PCDHGB3: variants seen among roughly 807,000 people sequenced by gnomAD.
PCDHGB3 encodes protocadherin gamma-B3.
Under a neutral mutation model 59.2 loss-of-function variants are expected in PCDHGB3, and 40 were observed. The ratio of observed to expected loss-of-function variants is 0.68; its 90% CI spans 0.52 to 0.88. The LOEUF (loss-of-function observed/expected upper bound fraction) is 0.88. PCDHGB3 is among the 40% of genes least tolerant of loss of function. PCDHGB3 has a pLI of 0.00. For synonymous variants in PCDHGB3, 581 were observed against 503.6 expected, an observed-to-expected ratio of 1.15 and a Z score of -2.06; for missense variants, 1,309 against 1,187.9, an observed-to-expected ratio of 1.10 and a Z score of -1.50.
rs568927137 is a variant in PCDHGB3, at chr5:141,410,186, CT to C, written c.2415+37378del. On this transcript the variant is annotated intron_variant, in intron 1 of 3. Coordinates refer to ENST00000576222, the MANE Select transcript of PCDHGB3 (RefSeq NM_018924.5). ...ACTCTCTGCCACCGCCACGCTTCAT[CT>C]GGTCTTCGCAGACAACTTGCAAGAG... 1.6e-5 allele frequency: 26 copies of C among 1,613,940 alleles called. 1 individual carries two copies. In the South Asian group the frequency reaches 2.6e-4, roughly 16 times the overall value.
intron 1 of PCDHGB3, chr5:141,384,132 C>T (rs1290502346): frequency 6.2e-7 from 1 of 1,611,710 alleles, no homozygotes; most frequent in Non-Finnish European, 8.5e-7. Context: ...AAAACTTGGA[C>T]CGGGAAACAC....
chr5:141,504,645 T>C (rs1481469819), intron 2 of PCDHGB3, among the ~76,000 whole-genome samples: 2 of 112,538 alleles, frequency 1.8e-5, no homozygotes, highest in Non-Finnish European at 3.4e-5. Context: ...GGTTTGATGA[T>C]AGAGTGTTTG....
intron 1 of PCDHGB3, among the ~76,000 whole-genome samples, chr5:141,452,388 A>G (rs892688242): frequency 3.9e-5 from 6 of 152,210 alleles, no homozygotes; most frequent in Non-Finnish European, 5.9e-5. Flanking sequence ...TAGTATTTAG[A>G]AACTAAGATC....
intron 1 of PCDHGB3, among the ~76,000 whole-genome samples, chr5:141,437,923 A>G (rs893873818): frequency 2.0e-5 from 3 of 152,110 alleles, no homozygotes; most frequent in African/African-American, 7.2e-5. Context: ...TTTTTAGTAG[A>G]GATGGGGTTT....
At chr5:141,402,096 A>G (rs1343417374) in intron 1 of PCDHGB3, among the ~76,000 whole-genome samples, 2 of 152,226 alleles carry the variant, frequency 1.3e-5, no homozygotes, top group Non-Finnish European at 2.9e-5. Context: ...GAAAAGTTTA[A>G]GCAATTACAA....
intron 1 of PCDHGB3, among the ~76,000 whole-genome samples, chr5:141,483,459 G>A (rs1214951485): frequency 6.6e-6 from 1 of 152,186 alleles, no homozygotes; most frequent in Non-Finnish European, 1.5e-5. Flanking sequence ...AGGACTTGTT[G>A]ATTGACATGA....
In PCDHGB3 at chr5:141,423,113, C is replaced by G. The variant is rs2096710947; in HGVS notation, c.2415+50304C>G. On this transcript the variant is annotated intron_variant, in intron 1 of 3. Coordinates refer to ENST00000576222, the MANE Select transcript of PCDHGB3 (RefSeq NM_018924.5). The stretch of plus-strand genomic sequence containing the variant: ...GGGGAGCACACGGGCGAGGTGCGTA[C>G]AGCGCGGGCACTGCTGGACAGAGAC... The G allele has an allele frequency of 1.9e-6, 3 of 1,613,702 alleles. No homozygotes were observed. The highest frequency in any genetic ancestry group is 2.5e-6 in the Non-Finnish European group (3 of 1,179,992).
intron 3 of PCDHGB3, among the ~76,000 whole-genome samples, chr5:141,510,329 A>G (rs1433056614): frequency 6.7e-6 from 1 of 150,230 alleles, no homozygotes; most frequent in South Asian, 2.1e-4. Context: ...AGCACTCTTC[A>G]CCCCCACCCC....
At chr5:141,403,066 G>A in intron 1 of PCDHGB3, 1 of 1,614,076 alleles carries the variant, frequency 6.2e-7, no homozygotes, top group East Asian at 2.2e-5. Flanking sequence ...TGCCTGAAGA[G>A]ACAGAAAAGG....
Position 141,490,693 on chromosome 5 carries a change from G to C in PCDHGB3, c.2416-4114G>C. 2 of 1,614,170 alleles carry C rather than the reference G, an allele frequency of 1.2e-6. No homozygotes were observed. Among genetic ancestry groups the C allele is most frequent in the Non-Finnish European group, 1.7e-6 (2 of 1,180,018 alleles). ...GGCTGCCTCAGATCCAGACACTGGG[G>C]ATAATGCCCGCCTCACCTACTCCAT... is the stretch of plus-strand genomic sequence containing the variant. On this transcript the variant is annotated intron_variant, in intron 1 of 3. Coordinates refer to ENST00000576222, the MANE Select transcript of PCDHGB3 (RefSeq NM_018924.5). This position sits in a 1 kb window ranked among gnomAD's most constrained non-coding sequence, Gnocchi z 5.4.
chr5:141,463,266 T>G (rs933899476), intron 1 of PCDHGB3, among the ~76,000 whole-genome samples: 16 of 151,982 alleles, frequency 1.1e-4, no homozygotes, highest in African/African-American at 3.6e-4. Context: ...CTCTATCCCA[T>G]AAATTCTGGC....
chr5:141,501,335 C>CA (rs2099808433), intron 2 of PCDHGB3, among the ~76,000 whole-genome samples: 1 of 135,634 alleles, frequency 7.4e-6, no homozygotes, highest in Non-Finnish European at 1.6e-5. Context: ...ACACACACAC[C>CA]CCAAACTCAA....
At chr5:141,394,019 T>C in intron 1 of PCDHGB3, 1 of 1,613,522 alleles carries the variant, frequency 6.2e-7, no homozygotes, top group Non-Finnish European at 8.5e-7. Flanking sequence ...GTAATTATTA[T>C]AGATTAGTGA....
chr5:141,401,060 T>A (rs1395651829), intron 1 of PCDHGB3, among the ~76,000 whole-genome samples: 3 of 152,216 alleles, frequency 2.0e-5, no homozygotes, highest in Non-Finnish European at 4.4e-5. Flanking sequence ...ATACTATATG[T>A]TGGCTGGGTG....
chr5:141,387,926 G>A (rs888934094), intron 1 of PCDHGB3: 1 of 1,236,078 alleles, frequency 8.1e-7, no homozygotes, highest in South Asian at 1.5e-5. Context: ...CTGAGAGGCT[G>A]CCAGTGCTCT....
In PCDHGB3 at chr5:141,422,057, A is replaced by T. The variant is rs1356083259; in HGVS notation, c.2415+49248A>T. 3.1e-6 allele frequency: 5 copies of T among 1,611,974 alleles called. No individual in the cohort carries two copies. The South Asian group carries it at 5.5e-5, about 18-fold the overall frequency. On this transcript the variant is annotated intron_variant, in intron 1 of 3. Transcript: ENST00000576222. The stretch of plus-strand genomic sequence containing the variant: ...GATCCAGACGAGGGAATCAACGGGG[A>T]AGTAATGTATTCATTTCGGAACATG...
Position 141,432,254 on chromosome 5 carries a change from G to A in PCDHGB3, c.2415+59445G>A, listed in dbSNP as rs935437220. 6.2e-7 allele frequency: 1 copy of A among 1,614,242 alleles called. No homozygotes were observed. The highest frequency in any genetic ancestry group is 8.5e-7 in the Non-Finnish European group (1 of 1,180,050). ...CCTGGCTGAGAACACCATCCAAGGG[G>A]CAAGCCTATCGTCCTACGTGTCCAT... On this transcript the variant is annotated intron_variant, in intron 1 of 3. Transcript: ENST00000576222. The surrounding 1 kb of genome is among the most constrained non-coding windows in gnomAD (Gnocchi z 6.0).
At chr5:141,389,391 G>C (rs544096177) in intron 1 of PCDHGB3, 9 of 1,613,686 alleles carry the variant, frequency 5.6e-6, no homozygotes, top group African/African-American at 1.3e-5. Context: ...GTCATCCTAC[G>C]TGTCCATAAG....
rs372276982 is a variant in PCDHGB3, at chr5:141,370,427, A to G, written c.33A>G (p.Ala11=). The G allele has an allele frequency of 1.3e-4, 205 of 1,590,086 alleles. No individual in the cohort carries two copies. The highest frequency in any genetic ancestry group is 1.7e-4 in the Non-Finnish European group (197 of 1,168,460). The change falls in exon 1 of 4, where the codon GCA becomes GCG. Residue 11 remains alanine (A), a synonymous_variant. Transcript: ENST00000576222. ...ATAGCTCCGGATGGAGGGGCCCAGC[A>G]GGGCAGAGGCGAATGCTATTTCTCT... MGNSSGWRGP[A]GQRRMLFLFL...
Sources: gnomAD v4.1 joint callset for allele counts (sites outside exome capture counted in the v4.1 genomes callset) on GRCh38, gnomAD v4.1.1 for gene constraint, Gnocchi (gnomAD v3.1) non-coding constraint, MANE v1.5 for transcripts, NCBI Gene and HGNC (gene_info 2026-07-23, HGNC 2026-07-21) for gene names.